ALK: variants seen among roughly 807,000 people sequenced by gnomAD.
ALK encodes the protein ALK receptor tyrosine kinase.
A neutral mutation model predicts 163.1 loss-of-function variants in ALK; 74 were observed. The ratio of observed to expected loss-of-function variants is 0.45; its 90% CI spans 0.38 to 0.55. ALK has a LOEUF of 0.55. ALK is among the 20% of genes least tolerant of loss of function. The pLI is 0.00. For synonymous variants in ALK, 960 were observed against 843.2 expected (o/e 1.14, Z -2.40); for missense variants, 2,063 against 2,105.3 (o/e 0.98, Z 0.39).
At chr2:29,225,985 G>C (rs576227576) in intron 18 of ALK, among the ~76,000 whole-genome samples, 117 of 152,226 alleles carry the variant, frequency 7.7e-4, no homozygotes, top group African/African-American at 2.7e-3. Context: ...GCTCACAGTG[G>C]GGAGGGGTCC....
chr2:29,499,970 C>A (rs549733279), intron 4 of ALK, among the ~76,000 whole-genome samples: 1 of 152,168 alleles, frequency 6.6e-6, no homozygotes, highest in African/African-American at 2.4e-5. Context: ...GTCACCAACA[C>A]TGGGGACATT....
intron 3 of ALK, among the ~76,000 whole-genome samples, chr2:29,649,663 G>C (rs768341923): frequency 2.0e-5 from 3 of 152,118 alleles, no homozygotes; most frequent in Non-Finnish European, 4.4e-5. Context: ...AAGAGGAGCA[G>C]GCTAGGACAT....
rs557024906 is a variant in ALK at position 29,221,596 on chromosome 2, G to T, written c.3515+748C>A. ...TTTTATTCATAATCAGGAATTATAT[G>T]TATCATCAGAAAATAAATGTTATTT... On this transcript the variant is annotated intron_variant, in intron 22 of 28. Transcript: ENST00000389048. Among the ~76,000 whole-genome samples, 200 of 152,342 alleles carry T rather than the reference G, an allele frequency of 1.3e-3. 1 individual carries two copies. Among genetic ancestry groups the T allele is most frequent in the South Asian group, 6.6e-3 (32 of 4,826 alleles).
chr2:29,355,041 T>G (rs1023155941), intron 5 of ALK, among the ~76,000 whole-genome samples: 1 of 152,172 alleles, frequency 6.6e-6, no homozygotes, highest in Non-Finnish European at 1.5e-5. Flanking sequence ...GCTGGGATTA[T>G]AGGCGTGAGC....
intron 1 of ALK, among the ~76,000 whole-genome samples, chr2:29,884,806 T>TGC (rs1485823492): frequency 6.6e-6 from 1 of 152,204 alleles, no homozygotes; most frequent in Non-Finnish European, 1.5e-5. Context: ...GAGTTTTAGA[T>TGC]GCCATGAAGA....
chr2:29,899,336 C>T (rs924679521), intron 1 of ALK, among the ~76,000 whole-genome samples: 1 of 152,192 alleles, frequency 6.6e-6, no homozygotes, highest in African/African-American at 2.4e-5. Flanking sequence ...GACCCTTGCC[C>T]CTTTTTTGCC....
chr2:29,612,653 C>T (rs867331828), intron 3 of ALK, among the ~76,000 whole-genome samples: 3 of 152,168 alleles, frequency 2.0e-5, no homozygotes, highest in Non-Finnish European at 2.9e-5. Flanking sequence ...TAGCCCTGAA[C>T]GATCGCCCTC....
chr2:29,472,043 G>A (rs186457144), intron 4 of ALK, among the ~76,000 whole-genome samples: 12 of 152,254 alleles, frequency 7.9e-5, no homozygotes, highest in African/African-American at 1.7e-4. Context: ...GCACCCAGCC[G>A]ATGTTGATGA....
intron 1 of ALK, among the ~76,000 whole-genome samples, chr2:29,740,632 T>C (rs1054315826): frequency 2.6e-5 from 4 of 152,188 alleles, no homozygotes; most frequent in African/African-American, 9.7e-5. Context: ...CACACTAACA[T>C]AGAGTATTTG....
chr2:29,197,765 A>C, intron 26 of ALK, 89 bp from the exon 27 acceptor site: 10 of 1,184,756 alleles, frequency 8.4e-6, no homozygotes, highest in East Asian at 4.7e-5. Flanking sequence ...ATACAATTTC[A>C]ACCTTTTTTT....
At chr2:29,620,303 TTCCC>T (rs1553339013) in intron 3 of ALK, among the ~76,000 whole-genome samples, 7 of 152,108 alleles carry the variant, frequency 4.6e-5, no homozygotes, top group Non-Finnish European at 1.0e-4. Flanking sequence ...TACAGATGGC[TTCCC>T]TCACGTTCAC....
chr2:29,585,010 G>A (rs142598419), intron 3 of ALK, among the ~76,000 whole-genome samples: 254 of 152,248 alleles, frequency 1.7e-3, no homozygotes, highest in East Asian at 9.5e-3. Flanking sequence ...ACAGCCAAAC[G>A]TGTGGCTTCC....
chr2:29,480,310 G>A lies in ALK; in HGVS notation c.1154+51605C>T, dbSNP rs551815429. ...AAAGGAAAGAAAAACAAAGCAAATAGGGTGAAATATTAATATCTGCTAATT... is the reference window on the plus strand; with the variant it reads ...AAAGGAAAGAAAAACAAAGCAAATAAGGTGAAATATTAATATCTGCTAATT... On this transcript the variant is annotated intron_variant, in intron 4 of 28. Transcript: ENST00000389048. 2.6e-5 allele frequency among the ~76,000 whole-genome samples: 4 copies of A among 152,242 alleles called. No individual in the cohort carries two copies. In the South Asian group the frequency reaches 8.3e-4, roughly 32 times the overall value.
At chr2:29,645,279 C>T (rs934454701) in intron 3 of ALK, among the ~76,000 whole-genome samples, 1 of 152,080 alleles carries the variant, frequency 6.6e-6, no homozygotes, top group African/African-American at 2.4e-5. Flanking sequence ...ATCAATATTA[C>T]ACACGGAACA....
chr2:29,441,321 T>C (rs1347686352), intron 4 of ALK, among the ~76,000 whole-genome samples: 1 of 152,224 alleles, frequency 6.6e-6, no homozygotes, highest in Non-Finnish European at 1.5e-5. Context: ...TCTGGGGGAA[T>C]CACAGAGTGG....
intron 11 of ALK, among the ~76,000 whole-genome samples, chr2:29,259,612 A>G (rs1442120145): frequency 6.6e-6 from 1 of 152,064 alleles, no homozygotes; most frequent in Non-Finnish European, 1.5e-5. Context: ...AAAACTGATA[A>G]TTTTAAATTT....
At chr2:29,803,028 A>C (rs985624281) in intron 1 of ALK, among the ~76,000 whole-genome samples, 2 of 152,236 alleles carry the variant, frequency 1.3e-5, no homozygotes, top group Non-Finnish European at 2.9e-5. Flanking sequence ...CAATGTATTC[A>C]AAGGAATTCT....
rs1278761530 is a variant in ALK, at chr2:29,744,565, C to CT, written c.668-26869dup. Among the ~76,000 whole-genome samples the CT allele has an allele frequency of 4.6e-5, 7 of 152,014 alleles. No individual in the cohort carries two copies. In the East Asian group the frequency reaches 7.7e-4, roughly 17 times the overall value. Reference sequence around the variant, plus strand: ...TCACATATCTGGTGGGTGATTCTGACTTTTTTTTAATTAACTGACTTTTCT... The same window carrying CT: ...TCACATATCTGGTGGGTGATTCTGACTTTTTTTTTAATTAACTGACTTTTCT... On this transcript the variant is annotated intron_variant, in intron 1 of 28. Coordinates refer to ENST00000389048, the MANE Select transcript of ALK (RefSeq NM_004304.5).
chr2:29,641,098 T>A (rs1245627888), intron 3 of ALK, among the ~76,000 whole-genome samples: 1 of 152,004 alleles, frequency 6.6e-6, no homozygotes, highest in Non-Finnish European at 1.5e-5. Flanking sequence ...CTGAAGGAAG[T>A]GGCACACTTC....
Sources: allele counts gnomAD v4.1 joint callset (sites outside exome capture counted in the v4.1 genomes callset), GRCh38; gene constraint gnomAD v4.1.1; transcripts MANE v1.5; gene names NCBI Gene and HGNC (gene_info 2026-07-23, HGNC 2026-07-21).